Variants in TSPAN5 observed in about 807,000 individuals in gnomAD.
The protein encoded by TSPAN5 is tetraspanin 5.
A neutral mutation model predicts 37.1 loss-of-function variants in TSPAN5; 10 were observed. The ratio of observed to expected loss-of-function variants is 0.27; its 90% confidence interval spans 0.17 to 0.46. The LOEUF (loss-of-function observed/expected upper bound fraction) is 0.46. Among genes scored for constraint, TSPAN5 ranks in the 20% least tolerant of loss-of-function variants. The pLI is 1.00. For synonymous variants in TSPAN5, 110 were observed against 118.9 expected (o/e 0.93, Z 0.48); for missense variants, 195 against 326.6 (o/e 0.60, Z 3.11).
chr4:98,499,663 T>TTG (rs1753298188), intron 2 of TSPAN5, among the ~76,000 whole-genome samples: 1 of 144,512 alleles, frequency 6.9e-6, no homozygotes, highest in African/African-American at 2.6e-5. Flanking sequence ...AGCTCTTTTT[T>TTG]TTTTTTTTTT....
chr4:98,480,980 A>C (rs1012036471), intron 4 of TSPAN5, among the ~76,000 whole-genome samples: 7 of 151,970 alleles, frequency 4.6e-5, no homozygotes, highest in African/African-American at 1.7e-4. Context: ...GCCTCCCTTC[A>C]TCACAGGCAG....
intron 1 of TSPAN5, among the ~76,000 whole-genome samples, chr4:98,531,967 C>G (rs1754102790): frequency 6.6e-6 from 1 of 152,102 alleles, no homozygotes; most frequent in Non-Finnish European, 1.5e-5. Flanking sequence ...AGCCCTTTGT[C>G]AGATGGACAG....
rs558710988 is a variant in TSPAN5 at position 98,625,818 on chromosome 4, C to T, written c.81+32328G>A. 2.7e-5 allele frequency among the ~76,000 whole-genome samples: 4 copies of T among 150,414 alleles called. No individual in the cohort carries two copies. In the East Asian group the frequency reaches 7.8e-4, roughly 29 times the overall value. ...GTATGTCAGAGTAGTATGTTTATTTCATCAAATACACATCTTCTCTTGGAA... is the reference window on the plus strand; with the variant it reads ...GTATGTCAGAGTAGTATGTTTATTTTATCAAATACACATCTTCTCTTGGAA... On this transcript the variant is annotated intron_variant, in intron 1 of 7. Transcript: ENST00000305798.
chr4:98,627,108 T>G (rs1579040940), intron 1 of TSPAN5, among the ~76,000 whole-genome samples: 1 of 150,486 alleles, frequency 6.6e-6, no homozygotes, highest in East Asian at 2.0e-4. Flanking sequence ...ACTAGTGGGG[T>G]TTTCAAGGAA....
chr4:98,619,844 G>C (rs1756440625), intron 1 of TSPAN5, among the ~76,000 whole-genome samples: 2 of 152,130 alleles, frequency 1.3e-5, no homozygotes, highest in African/African-American at 4.8e-5. Context: ...TTTTCAGATG[G>C]TGCACTCTCA....
At chr4:98,633,987 G>A (rs1417894680) in intron 1 of TSPAN5, among the ~76,000 whole-genome samples, 1 of 151,964 alleles carries the variant, frequency 6.6e-6, no homozygotes, top group Non-Finnish European at 1.5e-5. Context: ...GATGAGGCAG[G>A]AGAATCGCTT....
intron 1 of TSPAN5, among the ~76,000 whole-genome samples, chr4:98,609,674 C>T (rs1028384304): frequency 9.9e-5 from 15 of 152,142 alleles, no homozygotes; most frequent in African/African-American, 3.1e-4. Context: ...TCTCTGGGTG[C>T]TTAATTACTC....
At chr4:98,492,020 T>C (rs561625800) in intron 2 of TSPAN5, among the ~76,000 whole-genome samples, 1 of 152,202 alleles carries the variant, frequency 6.6e-6, no homozygotes, top group African/African-American at 2.4e-5. Flanking sequence ...AGACACCTAG[T>C]CTTCTGGGAA....
At chr4:98,490,932 C>T (rs904443889) in intron 2 of TSPAN5, among the ~76,000 whole-genome samples, 2 of 151,988 alleles carry the variant, frequency 1.3e-5, no homozygotes, top group East Asian at 1.9e-4. Flanking sequence ...CGTGGCAGCA[C>T]GCGCCTGTAG....
intron 1 of TSPAN5, among the ~76,000 whole-genome samples, chr4:98,556,042 CA>C (rs762747453): frequency 0.13 from 15,195 of 112,764 alleles, 4,119 homozygotes; most frequent in African/African-American, 0.35. Flanking sequence ...ACAGCACCCC[CA>C]CACACACACA....
At chr4:98,549,006 G>A (rs1196636915) in intron 1 of TSPAN5, among the ~76,000 whole-genome samples, 1 of 152,002 alleles carries the variant, frequency 6.6e-6, no homozygotes, top group Non-Finnish European at 1.5e-5. Context: ...CAGCAGTGTG[G>A]TGAACATATG....
At chr4:98,477,031 T>C (rs1472603905) in intron 5 of TSPAN5, among the ~76,000 whole-genome samples, 1 of 152,144 alleles carries the variant, frequency 6.6e-6, no homozygotes, top group East Asian at 1.9e-4. Context: ...CTCTGCGGGG[T>C]GTGGGGCAGA....
chr4:98,586,945 C>G (rs1433839171), intron 1 of TSPAN5, among the ~76,000 whole-genome samples: 2 of 152,134 alleles, frequency 1.3e-5, no homozygotes, highest in Non-Finnish European at 2.9e-5. Context: ...AAAAGGGGAG[C>G]CAAAGTGGTC....
At chr4:98,544,688 T>C (rs781076488) in intron 1 of TSPAN5, among the ~76,000 whole-genome samples, 1 of 152,052 alleles carries the variant, frequency 6.6e-6, no homozygotes, top group Non-Finnish European at 1.5e-5. Context: ...TAGAAGGAAA[T>C]GATGACTTTT....
chr4:98,643,831 T>C (rs555610096), intron 1 of TSPAN5, among the ~76,000 whole-genome samples: 34 of 152,316 alleles, frequency 2.2e-4, no homozygotes, highest in Admixed American at 1.4e-3. Flanking sequence ...AACACTATTT[T>C]CCCTAGGATT....
chr4:98,521,080 T>C lies in TSPAN5; in HGVS notation c.82-13352A>G, dbSNP rs899730480. Among the ~76,000 whole-genome samples the C allele has an allele frequency of 3.0e-4, 46 of 152,246 alleles. 1 individual carries two copies. Among genetic ancestry groups the C allele is most frequent in the African/African-American group, 1.1e-3 (44 of 41,556 alleles). On this transcript the variant is annotated intron_variant, in intron 1 of 7. Coordinates refer to ENST00000305798, the MANE Select transcript of TSPAN5 (RefSeq NM_005723.4). ...CTGAGTAGCTGGGATTACAGGTGCG[T>C]GCCACCACGCCTGGCTAATTTTTGT...
At chr4:98,637,855 T>G (rs1474872283) in intron 1 of TSPAN5, among the ~76,000 whole-genome samples, 1 of 152,256 alleles carries the variant, frequency 6.6e-6, no homozygotes, top group African/African-American at 2.4e-5. Context: ...TGAAAGCATT[T>G]TATCTATAAA....
chr4:98,538,992 C>T (rs988404991), intron 1 of TSPAN5, among the ~76,000 whole-genome samples: 1 of 152,106 alleles, frequency 6.6e-6, no homozygotes, highest in Non-Finnish European at 1.5e-5. Flanking sequence ...TTACCTACTA[C>T]TTATTTACCC....
At chr4:98,630,516 C>T (rs147786695) in intron 1 of TSPAN5, among the ~76,000 whole-genome samples, 3 of 152,178 alleles carry the variant, frequency 2.0e-5, no homozygotes, top group Middle Eastern at 3.2e-3. Context: ...ATCCGAGGCA[C>T]GCATATTCCC....
Sources: gnomAD v4.1 joint callset for allele counts (sites outside exome capture counted in the v4.1 genomes callset) on GRCh38, gnomAD v4.1.1 for gene constraint, MANE v1.5 for transcripts, NCBI Gene and HGNC (gene_info 2026-07-23, HGNC 2026-07-21) for gene names.